Variants in THRB observed in about 807,000 individuals in gnomAD.
THRB encodes the protein nuclear receptor subfamily 1 group A member 2.
THRB carries 12 observed loss-of-function variants against 47.8 expected under a neutral mutation model. The observed-to-expected ratio is 0.25, with a 90% CI of 0.16 to 0.41. The LOEUF is 0.41. Ranked by LOEUF, THRB falls within the 10% of genes least tolerant of loss-of-function variation. THRB has a pLI of 1.00. For missense variants in THRB, 348 were observed against 589.2 expected, an observed-to-expected ratio of 0.59 and a Z score of 4.24; for synonymous variants, 218 against 212.2, an observed-to-expected ratio of 1.03 and a Z score of -0.24.
At position 24,335,315 on chromosome 3, in the gene THRB, GT is replaced by G. The variant is rs1429671635; in HGVS notation, c.-189+1984del. ...TTTCATTGCTTGGAATTCCTTGAGA[GT>G]TTTTTCCTTCTGGATTTGGTGATTA... On this transcript the variant is annotated intron_variant, in intron 2 of 10. Coordinates refer to ENST00000646209, the MANE Select transcript of THRB (RefSeq NM_001354712.2). Among the ~76,000 whole-genome samples, 5 of 152,088 alleles carry G rather than the reference GT, an allele frequency of 3.3e-5. No homozygotes were observed. The South Asian group carries it at 6.2e-4, about 19-fold the overall frequency.
chr3:24,404,979 G>GA (rs1051795001), intron 1 of THRB, among the ~76,000 whole-genome samples: 1 of 151,914 alleles, frequency 6.6e-6, no homozygotes, highest in Non-Finnish European at 1.5e-5. Context: ...GATCATTAAA[G>GA]AAAAAACAAG....
chr3:24,368,825 A>T (rs948398621), intron 1 of THRB, among the ~76,000 whole-genome samples: 8 of 152,190 alleles, frequency 5.3e-5, no homozygotes, highest in Admixed American at 4.6e-4. Flanking sequence ...TAATGATGTC[A>T]TCCATCTAGG....
At chr3:24,422,698 G>A (rs569505321) in intron 1 of THRB, among the ~76,000 whole-genome samples, 1 of 151,980 alleles carries the variant, frequency 6.6e-6, no homozygotes, top group Non-Finnish European at 1.5e-5. Flanking sequence ...GTGGGGACAT[G>A]ACCATATTGG....
chr3:24,278,028 G>A (rs60391984), intron 3 of THRB, among the ~76,000 whole-genome samples: 8,165 of 152,210 alleles, frequency 0.054, 707 homozygotes, highest in African/African-American at 0.18. Flanking sequence ...GTCTAGTTCT[G>A]TTCTTCTAAT....
chr3:24,453,804 C>T (rs545161437), intron 1 of THRB, among the ~76,000 whole-genome samples: 1 of 152,264 alleles, frequency 6.6e-6, no homozygotes, highest in Non-Finnish European at 1.5e-5. Context: ...TTCCACTGGC[C>T]TTCCTGCTCA....
At chr3:24,303,681 G>T (rs1249256493) in intron 2 of THRB, among the ~76,000 whole-genome samples, 2 of 152,122 alleles carry the variant, frequency 1.3e-5, no homozygotes, top group Admixed American at 1.3e-4. Flanking sequence ...ATTCTCTTAC[G>T]TCTAATTTTA....
At position 24,447,779 on chromosome 3, in the gene THRB, G is replaced by A. The variant is rs2072243956; in HGVS notation, c.-261+46873C>T. Among the ~76,000 whole-genome samples, 5 of 152,158 alleles carry A rather than the reference G, an allele frequency of 3.3e-5. No homozygotes were observed. The South Asian group carries it at 1.0e-3, about 32-fold the overall frequency. On this transcript the variant is annotated intron_variant, in intron 1 of 10. Coordinates refer to ENST00000646209, the MANE Select transcript of THRB (RefSeq NM_001354712.2). ...TTTTGGTCCATAAAATGTGTCAGGG[G>A]TCAGTGCTCTGCAAATGGGAGGAGA... is the stretch of plus-strand genomic sequence containing the variant.
At chr3:24,354,749 A>G (rs907979425) in intron 1 of THRB, among the ~76,000 whole-genome samples, 6 of 152,174 alleles carry the variant, frequency 3.9e-5, no homozygotes, top group African/African-American at 1.2e-4. Context: ...TAATTAAAAG[A>G]ACTTGGTTTG....
intron 4 of THRB, among the ~76,000 whole-genome samples, chr3:24,209,591 C>A (rs1008555785): frequency 2.0e-5 from 3 of 152,076 alleles, no homozygotes; most frequent in Non-Finnish European, 4.4e-5. Context: ...AACCAAACAC[C>A]CCATGTTCTC....
chr3:24,426,738 A>G (rs1239391186), intron 1 of THRB, among the ~76,000 whole-genome samples: 1 of 152,000 alleles, frequency 6.6e-6, no homozygotes, highest in African/African-American at 2.4e-5. Flanking sequence ...CTTAACACTT[A>G]ATATGAATCA....
chr3:24,346,223 T>C (rs2063004503), intron 1 of THRB, among the ~76,000 whole-genome samples: 1 of 152,070 alleles, frequency 6.6e-6, no homozygotes, highest in African/African-American at 2.4e-5. Context: ...TAAGTAAAAT[T>C]AAGTCCCTTG....
At chr3:24,179,207 G>C (rs2041582114) in intron 5 of THRB, among the ~76,000 whole-genome samples, 1 of 152,168 alleles carries the variant, frequency 6.6e-6, no homozygotes, top group Non-Finnish European at 1.5e-5. Context: ...CCCCCTCCAA[G>C]GGGGTGGCAG....
intron 3 of THRB, among the ~76,000 whole-genome samples, chr3:24,295,564 A>G (rs2151021062): frequency 6.6e-6 from 1 of 152,316 alleles, no homozygotes; most frequent in East Asian, 1.9e-4. Flanking sequence ...TTGTGCCAGG[A>G]GTTTTTTGCT....
rs116128921 is a variant in THRB at position 24,492,547 on chromosome 3, T to C, written c.-261+2105A>G. On this transcript the variant is annotated intron_variant, in intron 1 of 10. Coordinates refer to ENST00000646209, the MANE Select transcript of THRB (RefSeq NM_001354712.2). ...ATTTCCATCAAAAAGATGGGCTTAC[T>C]AAAAAAAGAAACATGCAATACCATT... Among the ~76,000 whole-genome samples the C allele has an allele frequency of 6.3e-3, 956 of 152,172 alleles. 7 individuals are homozygous for C. The highest frequency in any genetic ancestry group is 0.022 in the African/African-American group (905 of 41,534).
rs144126095 is a variant in THRB at position 24,374,544 on chromosome 3, C to T, written c.-260-37173G>A. On this transcript the variant is annotated intron_variant, in intron 1 of 10. Coordinates refer to ENST00000646209, the MANE Select transcript of THRB (RefSeq NM_001354712.2). ...ACATAAATAGACTTCAGGGCTGATA[C>T]TATTATTTAAAATGCAATTAAATAT... is the stretch of plus-strand genomic sequence containing the variant. 4.3e-4 allele frequency among the ~76,000 whole-genome samples: 65 copies of T among 152,112 alleles called. 2 individuals are homozygous for T. The East Asian group carries it at 0.012, about 28-fold the overall frequency.
chr3:24,132,157 G>A (rs1055475369), intron 9 of THRB, among the ~76,000 whole-genome samples: 1 of 152,136 alleles, frequency 6.6e-6, no homozygotes, highest in Admixed American at 6.5e-5. Context: ...TCCAGGTGAG[G>A]AAACTTAGCT....
intron 3 of THRB, among the ~76,000 whole-genome samples, chr3:24,248,945 G>A (rs1008213360): frequency 7.9e-5 from 12 of 152,200 alleles, no homozygotes; most frequent in African/African-American, 2.4e-4. Flanking sequence ...CTCCAATTCC[G>A]ATGTAACAAC....
chr3:24,194,062 G>C (rs1392329469), intron 4 of THRB, among the ~76,000 whole-genome samples: 1 of 152,206 alleles, frequency 6.6e-6, no homozygotes, highest in Non-Finnish European at 1.5e-5. Flanking sequence ...CTCATGTGTG[G>C]GAGCTGGGCT....
rs2053952972 is a variant in THRB, at chr3:24,276,728, C to T, written c.-43+20498G>A. ...TAGAAGGGAGGAGGCAACACCAATG[C>T]TATAACAGACGTGGAGTAAGTGTGC... On this transcript the variant is annotated intron_variant, in intron 3 of 10. Transcript: ENST00000646209. Among the ~76,000 whole-genome samples the T allele has an allele frequency of 3.3e-5, 5 of 152,304 alleles. No homozygotes were observed. In the South Asian group the frequency reaches 8.3e-4, roughly 25 times the overall value.
Sources: allele counts gnomAD v4.1 joint callset (sites outside exome capture counted in the v4.1 genomes callset), GRCh38; gene constraint gnomAD v4.1.1; transcripts MANE v1.5; gene names NCBI Gene and HGNC (gene_info 2026-07-23, HGNC 2026-07-21).